CAB39: variants seen among roughly 807,000 people sequenced by gnomAD.
The protein encoded by CAB39 is calcium binding protein 39, also known as calcium-binding protein 39.
Under a neutral mutation model 40.0 loss-of-function variants are expected in CAB39, and 8 were observed. The ratio of observed to expected loss-of-function variants is 0.20; its 90% CI spans 0.12 to 0.36. The LOEUF is 0.36. CAB39 is among the 10% of genes least tolerant of loss of function. CAB39 has a pLI of 1.00. For synonymous variants in CAB39, 156 were observed against 141.6 expected, an observed-to-expected ratio of 1.10 and a Z score of -0.72; for missense variants, 270 against 401.1, an observed-to-expected ratio of 0.67 and a Z score of 2.79.
intron 1 of CAB39, among the ~76,000 whole-genome samples, chr2:230,734,604 T>G (rs555092916): frequency 2.6e-4 from 40 of 152,298 alleles, no homozygotes; most frequent in African/African-American, 9.1e-4. Flanking sequence ...CCCTCTCATT[T>G]GTTTAGGTGT....
At chr2:230,780,942 CATG>C (rs369260370) in intron 2 of CAB39, among the ~76,000 whole-genome samples, 30 of 152,054 alleles carry the variant, frequency 2.0e-4, no homozygotes, top group African/African-American at 5.8e-4. Context: ...CGTGGTCAGA[CATG>C]GTGGTGTGTA....
At chr2:230,761,872 TTTTG>T (rs1441405007) in intron 2 of CAB39, among the ~76,000 whole-genome samples, 3 of 145,350 alleles carry the variant, frequency 2.1e-5, no homozygotes, top group Non-Finnish European at 3.0e-5. Context: ...TGGTACTGTT[TTTTG>T]TTTGTTTTTT....
chr2:230,784,646 A>G (rs1559609838), intron 2 of CAB39, among the ~76,000 whole-genome samples: 1 of 152,210 alleles, frequency 6.6e-6, no homozygotes, highest in Non-Finnish European at 1.5e-5. Flanking sequence ...AATGGTTTTC[A>G]GAGGCGGGTG....
At chr2:230,724,899 T>G (rs545765595) in intron 1 of CAB39, among the ~76,000 whole-genome samples, 1 of 151,794 alleles carries the variant, frequency 6.6e-6, no homozygotes, top group Admixed American at 6.6e-5. Flanking sequence ...GGGAATCCAT[T>G]CAGGAAAGCT....
At chr2:230,760,824 TTA>T (rs1396503285) in intron 2 of CAB39, among the ~76,000 whole-genome samples, 1 of 152,206 alleles carries the variant, frequency 6.6e-6, no homozygotes, top group African/African-American at 2.4e-5. Flanking sequence ...CCTAAATTGT[TTA>T]TGATTCAGTT....
At chr2:230,732,615 G>A (rs1694713900) in intron 1 of CAB39, among the ~76,000 whole-genome samples, 2 of 152,164 alleles carry the variant, frequency 1.3e-5, no homozygotes, top group African/African-American at 4.8e-5. Context: ...TTCAAATATA[G>A]GGGTGCATGA....
intron 1 of CAB39, among the ~76,000 whole-genome samples, chr2:230,745,013 A>G (rs73995138): frequency 6.6e-6 from 1 of 152,398 alleles, no homozygotes; most frequent in African/African-American, 2.4e-5. Flanking sequence ...TCATAATTTG[A>G]CATTTCTCAT....
intron 2 of CAB39, among the ~76,000 whole-genome samples, chr2:230,783,803 C>T (rs752342222): frequency 6.6e-6 from 1 of 152,102 alleles, no homozygotes; most frequent in Non-Finnish European, 1.5e-5. Flanking sequence ...TGGCCTGCCT[C>T]AATTAAACAC....
intron 2 of CAB39, among the ~76,000 whole-genome samples, chr2:230,776,768 G>A (rs1695594803): frequency 6.6e-6 from 1 of 151,690 alleles, no homozygotes; most frequent in South Asian, 2.1e-4. Flanking sequence ...TCGGCTCACT[G>A]CAAGCTCCAC....
At chr2:230,769,920 T>A (rs1190918006) in intron 2 of CAB39, among the ~76,000 whole-genome samples, 1 of 151,798 alleles carries the variant, frequency 6.6e-6, no homozygotes, top group Non-Finnish European at 1.5e-5. Flanking sequence ...TCACACCACT[T>A]GACTCCAGCC....
At chr2:230,760,531 AG>A (rs764869340) in intron 2 of CAB39, among the ~76,000 whole-genome samples, 25 of 152,154 alleles carry the variant, frequency 1.6e-4, no homozygotes, top group Non-Finnish European at 3.2e-4. Context: ...TGTTTGTAAA[AG>A]TTTTAGAGCA....
chr2:230,755,209 C>G (rs1438628349), intron 1 of CAB39, among the ~76,000 whole-genome samples: 2 of 152,172 alleles, frequency 1.3e-5, no homozygotes, highest in Non-Finnish European at 2.9e-5. Context: ...TTTAAGGAAT[C>G]ACCACATTGT....
chr2:230,768,256 A>G (rs906815798), intron 2 of CAB39, among the ~76,000 whole-genome samples: 1 of 152,184 alleles, frequency 6.6e-6, no homozygotes, highest in African/African-American at 2.4e-5. Flanking sequence ...ATAGCTAGGT[A>G]TGTTCTCTGG....
rs561490356 is a variant in CAB39, at chr2:230,731,114, G to A, written c.-44+17884G>A. ...ATAAGAGATGGTCTTAATCCTTAAA[G>A]CATGCTGCCTTTCAAGCAAGTTAAA... On this transcript the variant is annotated intron_variant, in intron 1 of 8. Coordinates refer to ENST00000258418, the MANE Select transcript of CAB39 (RefSeq NM_016289.4). 2.6e-5 allele frequency among the ~76,000 whole-genome samples: 4 copies of A among 152,336 alleles called. No homozygotes were observed. The South Asian group carries it at 6.2e-4, about 24-fold the overall frequency.
intron 1 of CAB39, among the ~76,000 whole-genome samples, chr2:230,727,522 C>G (rs1231592959): frequency 6.6e-6 from 1 of 151,418 alleles, no homozygotes; most frequent in Non-Finnish European, 1.5e-5. Context: ...TTGAGTGATC[C>G]TCCCTCCTCA....
intron 2 of CAB39, among the ~76,000 whole-genome samples, chr2:230,782,813 C>CTT (rs1212977897): frequency 0.017 from 1,377 of 81,714 alleles, 31 homozygotes; most frequent in African/African-American, 0.036. Flanking sequence ...TTCTTTCTTT[C>CTT]TTTTTTTTTT....
intron 2 of CAB39, among the ~76,000 whole-genome samples, chr2:230,777,547 G>A (rs1347032333): frequency 6.6e-6 from 1 of 151,738 alleles, no homozygotes; most frequent in African/African-American, 2.4e-5. Context: ...AGCCTCCCAA[G>A]TAGCTGGGAT....
intron 3 of CAB39, among the ~76,000 whole-genome samples, chr2:230,791,688 G>A (rs183013737): frequency 6.6e-6 from 1 of 152,264 alleles, no homozygotes; most frequent in East Asian, 1.9e-4. Flanking sequence ...TTTGCTGTAG[G>A]TGGCACAGCT....
chr2:230,807,315 C>T (rs1430777724), intron 5 of CAB39, among the ~76,000 whole-genome samples: 1 of 151,970 alleles, frequency 6.6e-6, no homozygotes, highest in Non-Finnish European at 1.5e-5. Flanking sequence ...AGAGGCTCTG[C>T]TGATTGTCCT....
Sources: gnomAD v4.1 joint callset for allele counts (sites outside exome capture counted in the v4.1 genomes callset) on GRCh38, gnomAD v4.1.1 for gene constraint, MANE v1.5 for transcripts, NCBI Gene and HGNC (gene_info 2026-07-23, HGNC 2026-07-21) for gene names.